The following TBP variants were observed in gnomAD, a reference collection of about 807,000 sequenced individuals.
The protein encoded by TBP is TATA-box-binding protein.
In TBP, 12 loss-of-function variants were observed where a neutral mutation model predicts 46.2. The ratio of observed to expected loss-of-function variants is 0.26; its 90% CI spans 0.17 to 0.42. TBP has a LOEUF of 0.42. Among genes scored for constraint, TBP ranks in the 10% least tolerant of loss-of-function variants. The pLI, the probability that TBP is intolerant of heterozygous loss-of-function variation, is 1.00. For missense variants in TBP, 229 were observed against 403.1 expected, an observed-to-expected ratio of 0.57 and a Z score of 3.70; for synonymous variants, 157 against 148.3, an observed-to-expected ratio of 1.06 and a Z score of -0.42.
intron 2 of TBP, among the ~76,000 whole-genome samples, chr6:170,560,238 C>A (rs1368024248): frequency 8.5e-5 from 13 of 152,282 alleles, no homozygotes; most frequent in African/African-American, 3.1e-4. Flanking sequence ...GTGGCTCATG[C>A]TTGTAATCTC....
At chr6:170,558,757 A>T (rs1269922766) in intron 2 of TBP, among the ~76,000 whole-genome samples, 1 of 144,736 alleles carries the variant, frequency 6.9e-6, no homozygotes, top group Non-Finnish European at 1.5e-5. Context: ...GCAGTGGTGC[A>T]GTCTTGGCTC....
At chr6:170,555,633 T>A (rs553101127) in intron 1 of TBP, among the ~76,000 whole-genome samples, 7 of 152,306 alleles carry the variant, frequency 4.6e-5, no homozygotes, top group Admixed American at 2.0e-4. Flanking sequence ...GTGAAAACAC[T>A]GCGCTCTCTT....
At chr6:170,570,639 C>T (rs1022646896) in intron 6 of TBP, among the ~76,000 whole-genome samples, 21 of 152,158 alleles carry the variant, frequency 1.4e-4, no homozygotes, top group African/African-American at 4.8e-4. Flanking sequence ...TCAAGACCAG[C>T]CTGGCCAACA....
At chr6:170,559,475 A>G (rs2114991755) in intron 2 of TBP, among the ~76,000 whole-genome samples, 1 of 152,360 alleles carries the variant, frequency 6.6e-6, no homozygotes, top group South Asian at 2.1e-4. Flanking sequence ...AATGGTCTGG[A>G]TAGAAGATCA....
chr6:170,560,371 G>A (rs1032287735), intron 2 of TBP, among the ~76,000 whole-genome samples: 7 of 152,108 alleles, frequency 4.6e-5, no homozygotes, highest in African/African-American at 1.7e-4. Context: ...TGGTCATGGT[G>A]GCATGTGCCT....
chr6:170,561,969 AGCAGCAGCAGCAGCAG>A lies in TBP; in HGVS notation c.234_249del (p.Gln78HisfsTer61). 1.8e-6 allele frequency: 2 copies of A among 1,094,020 alleles called. No homozygotes were observed. Among genetic ancestry groups the A allele is most frequent in the Middle Eastern group, 2.8e-4 (1 of 3,602 alleles). The allele number at this position is 1,094,020 out of a possible 1,614,324, so 67.8% of individuals were successfully genotyped here. On this transcript the variant is annotated frameshift_variant, in exon 3 of 8. Coordinates refer to ENST00000392092, the MANE Select transcript of TBP (RefSeq NM_003194.5). LOFTEE classifies it high-confidence loss of function. ...CAGCAGCAACAGCAACAGCAGCAGC[AGCAGCAGCAGCAGCAG>A]CAGCAGCAGCAGCAGCAGCAGCAGC...
chr6:170,571,416 G>A lies in TBP; in HGVS notation c.852G>A (p.Glu284=), dbSNP rs763078270. 1.2e-6 allele frequency: 2 copies of A among 1,612,574 alleles called. No homozygotes were observed. The highest frequency in any genetic ancestry group is 1.7e-5 in the Admixed American group (1 of 59,924). Residue 284 remains glutamate, a synonymous_variant, in exon 7 of 8, where the codon GAG becomes GAA. Transcript: ENST00000392092. ...VLTHQQFSSY[E]PELFPGLIYR... is the part of the protein sequence containing the mutation. Reference sequence around the variant, plus strand: ...TTTGCAATTTTCCTTCTAGTTATGAGCCAGAGTTATTTCCTGGTTTAATCT... The same window carrying A: ...TTTGCAATTTTCCTTCTAGTTATGAACCAGAGTTATTTCCTGGTTTAATCT...
intron 2 of TBP, among the ~76,000 whole-genome samples, chr6:170,561,566 G>A (rs751014615): frequency 1.3e-5 from 2 of 151,862 alleles, no homozygotes; most frequent in African/African-American, 4.8e-5. Flanking sequence ...TAATTTTTCC[G>A]AAGTTCAGTT....
At chr6:170,554,583 T>TCCTCCCTTTCGTG (rs1354858961) in intron 1 of TBP, 120 bp downstream of exon 1, 1 of 152,682 alleles carries the variant, frequency 6.5e-6, no homozygotes, top group African/African-American at 2.4e-5. Context: ...CGGGGGACGT[T>TCCTCCCTTTCGTG]CCTCCCTTTC....
At chr6:170,557,502 A>G (rs1025081778) in intron 2 of TBP, among the ~76,000 whole-genome samples, 5 of 152,172 alleles carry the variant, frequency 3.3e-5, no homozygotes, top group African/African-American at 9.6e-5. Context: ...TGGGAGGCCA[A>G]GGTGGGCGGA....
In TBP at chr6:170,562,135, G is replaced by A. The variant is rs146082443; in HGVS notation, c.399G>A (p.Pro133=). ...HSQTLTTAPL[P]GTTPLYPSPM... ...AGACTCTCACAACTGCACCCTTGCC[G>A]GGCACCACTCCACTGTATCCCTCCC... The change falls in exon 3 of 8, where the codon CCG becomes CCA. Residue 133 remains proline (P), a synonymous_variant. Coordinates refer to ENST00000392092, the MANE Select transcript of TBP (RefSeq NM_003194.5). The A allele has an allele frequency of 5.6e-5, 91 of 1,614,054 alleles. No homozygotes were observed. The African/African-American group carries it at 1.1e-3, about 19-fold the overall frequency.
chr6:170,564,746 C>T, intron 4 of TBP, 114 bp downstream of exon 4: 11 of 578,572 alleles, frequency 1.9e-5, no homozygotes, highest in Non-Finnish European at 3.0e-5. Flanking sequence ...TCAGGCCAGG[C>T]ACAGTGGCTA....
At chr6:170,558,684 T>C (rs1779079910) in intron 2 of TBP, among the ~76,000 whole-genome samples, 1 of 151,350 alleles carries the variant, frequency 6.6e-6, no homozygotes, top group South Asian at 2.1e-4. Flanking sequence ...CTTTTTTTTT[T>C]CTTTTTTTTT....
rs143655307 is a variant in TBP, at chr6:170,562,021, G to T, written c.285G>T (p.Gln95His). The change falls in exon 3 of 8, where the codon CAG (glutamine) becomes CAT (histidine). Residue 95 changes from glutamine (Q) to histidine (H), a missense_variant. By Grantham distance (24) the Gln-to-His change is conservative. Coordinates refer to ENST00000392092, the MANE Select transcript of TBP (RefSeq NM_003194.5). ...AGCAGCAGCAGCAGCAGCAGCAACA[G>T]GCAGTGGCAGCTGCAGCCGTTCAGC... ...QQQQQQQQQQ[Q>H]AVAAAAVQQS... 7.9e-5 allele frequency: 127 copies of T among 1,612,008 alleles called. No individual in the cohort carries two copies. In the African/African-American group the frequency reaches 1.5e-3, roughly 19 times the overall value.
intron 2 of TBP, 68 bp downstream of exon 2, chr6:170,557,151 C>T: frequency 1.4e-6 from 2 of 1,386,054 alleles, no homozygotes; most frequent in Non-Finnish European, 2.0e-6. Flanking sequence ...TATCAAAAGG[C>T]AAGGAAGGGC....
intron 5 of TBP, among the ~76,000 whole-genome samples, chr6:170,568,815 CTTTTTT>C (rs377394208): frequency 9.6e-5 from 6 of 62,604 alleles, no homozygotes; most frequent in Middle Eastern, 0.015. Flanking sequence ...CTTTCCTTTT[CTTTTTT>C]TTTTTTTTTT....
At chr6:170,571,613 G>A in intron 7 of TBP, 109 bp downstream of exon 7, 1 of 818,552 alleles carries the variant, frequency 1.2e-6, no homozygotes, top group Non-Finnish European at 2.0e-6. Context: ...CTAGCTTCTT[G>A]TACAAAGGCC....
chr6:170,569,486 T>G, intron 5 of TBP, 126 bp from the exon 6 acceptor site: 1 of 701,634 alleles, frequency 1.4e-6, no homozygotes, highest in Non-Finnish European at 2.2e-6. Flanking sequence ...TTTTCTCCTA[T>G]TGCAAGAAGG....
At chr6:170,570,180 T>C (rs768392071) in intron 6 of TBP, among the ~76,000 whole-genome samples, 53 of 152,188 alleles carry the variant, frequency 3.5e-4, no homozygotes, top group Non-Finnish European at 4.3e-4. Context: ...TAGGAACAAC[T>C]TTCTAATTAT....
Sources: allele counts gnomAD v4.1 joint callset (sites outside exome capture counted in the v4.1 genomes callset), GRCh38; gene constraint gnomAD v4.1.1; transcripts MANE v1.5; gene names NCBI Gene and HGNC (gene_info 2026-07-23, HGNC 2026-07-21).